Variants in LRCH1 observed in about 807,000 individuals in gnomAD.
The protein encoded by LRCH1 is leucine-rich repeat and calponin homology domain-containing protein 1.
Under a neutral mutation model 94.9 loss-of-function variants are expected in LRCH1, and 23 were observed. The ratio of observed to expected loss-of-function variants is 0.24; its 90% confidence interval spans 0.17 to 0.34. The LOEUF is 0.34. Ranked by LOEUF, LRCH1 falls within the 10% of genes least tolerant of loss-of-function variation. The pLI is 1.00. For missense variants in LRCH1, 790 were observed against 945.9 expected (o/e 0.84, Z 2.16); for synonymous variants, 364 against 354.9 (o/e 1.03, Z -0.29).
chr13:46,599,496 T>A (rs1237255943), intron 1 of LRCH1, among the ~76,000 whole-genome samples: 4 of 152,222 alleles, frequency 2.6e-5, no homozygotes, highest in Non-Finnish European at 5.9e-5. Context: ...TTTCTCCACA[T>A]CCTTGCCAAC....
chr13:46,660,323 A>G (rs1423945095), intron 2 of LRCH1, among the ~76,000 whole-genome samples: 3 of 151,998 alleles, frequency 2.0e-5, no homozygotes. Flanking sequence ...CTAGGAGTCA[A>G]TAAGTTTTTT....
rs1371731222 is a variant in LRCH1 at position 46,741,767 on chromosome 13, C to T, written c.2211C>T (p.Asp737=). Residue 737 remains aspartate, a synonymous_variant, in exon 20 of 20, where the codon GAC becomes GAT. Coordinates refer to ENST00000389797, the MANE Select transcript of LRCH1 (RefSeq NM_001164211.2). ...CAACTTCTGCCCTCCGCTCCAGGGA[C>T]CTTATAGGCTTCTGTCTTGTCCATA... ...PPPTSALRSR[D]LIGFCLVHIL... 5 of 1,614,162 alleles carry T rather than the reference C, an allele frequency of 3.1e-6. No individual in the cohort carries two copies. In the South Asian group the frequency reaches 5.5e-5, roughly 18 times the overall value.
At chr13:46,740,913 C>A (rs182162855) in intron 19 of LRCH1, among the ~76,000 whole-genome samples, 13 of 152,084 alleles carry the variant, frequency 8.5e-5, no homozygotes, top group Admixed American at 2.6e-4. Context: ...GTCTACCCCC[C>A]CTGCCCCAAT....
At chr13:46,670,890 A>G (rs1166324565) in intron 3 of LRCH1, among the ~76,000 whole-genome samples, 3 of 152,174 alleles carry the variant, frequency 2.0e-5, no homozygotes, top group Admixed American at 6.5e-5. Flanking sequence ...CTAGAAGTCC[A>G]TGTCGTGCTT....
At chr13:46,574,821 G>GTT (rs1566151493) in intron 1 of LRCH1, among the ~76,000 whole-genome samples, 31 of 134,512 alleles carry the variant, frequency 2.3e-4, no homozygotes, top group African/African-American at 7.4e-4. Context: ...TTGTGTGTGG[G>GTT]GTTTTTTTTT....
At chr13:46,703,509 C>T (rs1462550651) in intron 11 of LRCH1, among the ~76,000 whole-genome samples, 1 of 152,050 alleles carries the variant, frequency 6.6e-6, no homozygotes, top group African/African-American at 2.4e-5. Context: ...TATAAAACTT[C>T]GGAGTGAAAT....
chr13:46,692,281 C>G (rs1005156248), intron 7 of LRCH1, among the ~76,000 whole-genome samples: 3 of 152,188 alleles, frequency 2.0e-5, no homozygotes, highest in Non-Finnish European at 4.4e-5. Context: ...GCTTCCAGTT[C>G]AAGAAACAGA....
chr13:46,596,963 A>G (rs1226191461), intron 1 of LRCH1, among the ~76,000 whole-genome samples: 2 of 152,196 alleles, frequency 1.3e-5, no homozygotes, highest in Non-Finnish European at 2.9e-5. Context: ...AAAGGTTTGA[A>G]TAGACTTCCT....
At chr13:46,562,651 C>T (rs1315991206) in intron 1 of LRCH1, among the ~76,000 whole-genome samples, 1 of 152,134 alleles carries the variant, frequency 6.6e-6, no homozygotes, top group African/African-American at 2.4e-5. Context: ...CCCATAACGC[C>T]CACTGACTCA....
At chr13:46,726,954 C>T (rs1872851148) in intron 17 of LRCH1, among the ~76,000 whole-genome samples, 1 of 150,756 alleles carries the variant, frequency 6.6e-6, no homozygotes, top group South Asian at 2.1e-4. Flanking sequence ...TCCAGGTTTC[C>T]ACTGCAAATC....
chr13:46,561,052 C>T (rs764348633), intron 1 of LRCH1, among the ~76,000 whole-genome samples: 22 of 152,174 alleles, frequency 1.4e-4, no homozygotes, highest in African/African-American at 2.7e-4. Flanking sequence ...TTTTTCCTAA[C>T]CATATCCTCC....
chr13:46,731,101 C>T (rs937070327), intron 18 of LRCH1, among the ~76,000 whole-genome samples: 3 of 147,642 alleles, frequency 2.0e-5, no homozygotes, highest in Non-Finnish European at 3.0e-5. Context: ...TTGCTTTTAC[C>T]ATTATGTCTT....
intron 17 of LRCH1, among the ~76,000 whole-genome samples, chr13:46,724,066 G>C (rs1872704688): frequency 6.6e-6 from 1 of 152,106 alleles, no homozygotes; most frequent in South Asian, 2.1e-4. Context: ...TCGGCTCACT[G>C]CAGCCTGTGC....
chr13:46,710,807 A>G (rs751193779), intron 13 of LRCH1, among the ~76,000 whole-genome samples: 1 of 152,158 alleles, frequency 6.6e-6, no homozygotes, highest in Non-Finnish European at 1.5e-5. Context: ...GCTAACGCCC[A>G]ATTTTTTATT....
chr13:46,639,424 T>C (rs991808450), intron 1 of LRCH1, among the ~76,000 whole-genome samples: 1 of 152,242 alleles, frequency 6.6e-6, no homozygotes, highest in African/African-American at 2.4e-5. Context: ...TAGTTTTCTT[T>C]GAATTATGGT....
intron 19 of LRCH1, among the ~76,000 whole-genome samples, chr13:46,739,819 G>A (rs912608646): frequency 8.5e-5 from 13 of 152,164 alleles, no homozygotes; most frequent in African/African-American, 1.2e-4. Context: ...CCCAGAGTCT[G>A]TGGCATCGTG....
chr13:46,706,643 A>C (rs1025476150), intron 13 of LRCH1, among the ~76,000 whole-genome samples: 3 of 152,074 alleles, frequency 2.0e-5, no homozygotes, highest in African/African-American at 7.2e-5. Flanking sequence ...GGTTAGTCTC[A>C]AACTGCTGGC....
chr13:46,575,693 A>G (rs1394262732), intron 1 of LRCH1, among the ~76,000 whole-genome samples: 1 of 152,198 alleles, frequency 6.6e-6, no homozygotes, highest in East Asian at 1.9e-4. Flanking sequence ...TGAAAGCAAG[A>G]TCAGTGTGTG....
chr13:46,567,492 T>TGTGTGTGTGTGTGTGTGTG, intron 1 of LRCH1, among the ~76,000 whole-genome samples: 1 of 141,956 alleles, frequency 7.0e-6, no homozygotes, highest in African/African-American at 2.7e-5. Context: ...TAAGGCAATT[T>TGTGTGTGTGTGTGTGTGTG]TGTGTGTGTG....
Sources: allele counts gnomAD v4.1 joint callset (sites outside exome capture counted in the v4.1 genomes callset), GRCh38; gene constraint gnomAD v4.1.1; transcripts MANE v1.5; gene names NCBI Gene and HGNC (gene_info 2026-07-23, HGNC 2026-07-21).